Variants in UPRT observed in about 807,000 individuals in gnomAD.
UPRT encodes the protein uracil phosphoribosyltransferase homolog.
In UPRT, 5 loss-of-function variants were observed where a neutral mutation model predicts 22.6. The observed-to-expected ratio is 0.22, with a 90% CI of 0.12 to 0.47. UPRT has a LOEUF of 0.47. Among genes scored for constraint, UPRT ranks in the 20% least tolerant of loss-of-function variants. The pLI, the probability that UPRT is intolerant of heterozygous loss-of-function variation, is 0.99. For missense variants in UPRT, 181 were observed against 239.9 expected, an observed-to-expected ratio of 0.75 and a Z score of 1.62; for synonymous variants, 77 against 87.7, an observed-to-expected ratio of 0.88 and a Z score of 0.68.
At chrX:75,243,246 T>G (rs765917943) in intron 4 of UPRT, among the ~76,000 whole-genome samples, 18 of 111,506 alleles carry the variant, frequency 1.6e-4, no homozygotes, top group Non-Finnish European at 3.0e-4. Flanking sequence ...CTCTCATTTT[T>G]TCCTGTGTCT....
Position 75,243,855 on chromosome X carries a change from T to C in UPRT, c.-446-47169T>C, listed in dbSNP as rs1305496858. On this transcript the variant is annotated intron_variant, in intron 4 of 13. Transcript: ENST00000652605. ...ACTGCATTTCGATTACTGCTAATAA[T>C]ACTATACTTTGTTTCAATGTTTTTC... 3.6e-5 allele frequency among the ~76,000 whole-genome samples: 4 copies of C among 111,739 alleles called. No homozygotes were observed. In the East Asian group the frequency reaches 1.1e-3, roughly 31 times the overall value.
At chrX:75,233,099 A>G (rs180765087) in intron 4 of UPRT, among the ~76,000 whole-genome samples, 309 of 111,927 alleles carry the variant, frequency 2.8e-3, no homozygotes, top group African/African-American at 9.6e-3. Context: ...AAAGGAGCTG[A>G]TGGAGCTGAG....
intron 4 of UPRT, among the ~76,000 whole-genome samples, chrX:75,207,537 G>A (rs1339123727): frequency 1.8e-5 from 2 of 111,825 alleles, no homozygotes; most frequent in East Asian, 2.8e-4. Context: ...TTTACAGGTA[G>A]GAGGGTGGCT....
chrX:75,255,208 C>T (rs1289995938), intron 4 of UPRT, among the ~76,000 whole-genome samples: 1 of 111,485 alleles, frequency 9.0e-6, no homozygotes, highest in Non-Finnish European at 1.9e-5. Context: ...TAAGCCTCCT[C>T]AAACAAAAAA....
At chrX:75,279,915 A>G (rs1189614820) in intron 1 of UPRT, among the ~76,000 whole-genome samples, 1 of 111,379 alleles carries the variant, frequency 9.0e-6, no homozygotes, top group East Asian at 2.8e-4. Flanking sequence ...TCCATTCATG[A>G]GTTACATCAC....
intron 4 of UPRT, among the ~76,000 whole-genome samples, chrX:75,180,217 C>T (rs777930864): frequency 8.9e-6 from 1 of 112,443 alleles, no homozygotes; most frequent in South Asian, 3.6e-4. Flanking sequence ...GTGGTCTTTT[C>T]CCAGTTCCTC....
At chrX:75,238,398 A>C (rs780556819) in intron 4 of UPRT, among the ~76,000 whole-genome samples, 7 of 112,212 alleles carry the variant, frequency 6.2e-5, no homozygotes, top group Non-Finnish European at 1.3e-4. Flanking sequence ...GGCATTATAT[A>C]ATGACAAAAG....
rs2082432847 is a variant in UPRT, at chrX:75,229,826, A to G, written c.-446-61198A>G. ...TTGGGGAGGGGCCACAGGGTGAAAG[A>G]AGGTCCTAGCTGAACTTCTGTAATA... On this transcript the variant is annotated intron_variant, in intron 4 of 13. Transcript: ENST00000652605. Among the ~76,000 whole-genome samples, 3 of 111,992 alleles carry G rather than the reference A, an allele frequency of 2.7e-5. No individual in the cohort carries two copies. In the Admixed American group the frequency reaches 2.8e-4, roughly 11 times the overall value.
At chrX:75,273,757 C>G (rs1421828102), upstream of UPRT, among the ~76,000 whole-genome samples, 1 of 111,839 alleles carries the variant, frequency 8.9e-6, no homozygotes, top group Non-Finnish European at 1.9e-5. Context: ...ACTGAAGATG[C>G]GGTTACTGAG....
chrX:75,193,654 AT>A (rs1301718276), intron 4 of UPRT, among the ~76,000 whole-genome samples: 1 of 110,603 alleles, frequency 9.0e-6, no homozygotes. Flanking sequence ...ATTCTTTGTT[AT>A]TGTTTTTTTC....
At chrX:75,186,451 C>T (rs2082292051) in intron 4 of UPRT, among the ~76,000 whole-genome samples, 1 of 111,017 alleles carries the variant, frequency 9.0e-6, no homozygotes, top group Non-Finnish European at 1.9e-5. Context: ...ATTATGTGGT[C>T]AATTTTGGAA....
At chrX:75,183,953 C>T (rs1331362291) in intron 4 of UPRT, among the ~76,000 whole-genome samples, 9 of 111,808 alleles carry the variant, frequency 8.0e-5, no homozygotes, top group Admixed American at 5.7e-4. Flanking sequence ...GTTGCGAAAA[C>T]TTTCTCCCAT....
intron 4 of UPRT, among the ~76,000 whole-genome samples, chrX:75,179,260 G>T (rs1211708270): frequency 8.9e-6 from 1 of 111,988 alleles, no homozygotes; most frequent in Non-Finnish European, 1.9e-5. Flanking sequence ...GTGCTGATTG[G>T]TGTATTTACA....
chrX:75,261,508 A>C (rs1300842470), intron 4 of UPRT, among the ~76,000 whole-genome samples: 8 of 111,936 alleles, frequency 7.1e-5, no homozygotes, highest in African/African-American at 1.9e-4. Flanking sequence ...ACACGCTCTG[A>C]AATTGAAGCA....
chrX:75,250,033 C>A lies in UPRT; in HGVS notation c.-446-40991C>A, dbSNP rs751629521. On this transcript the variant is annotated intron_variant, in intron 4 of 13. Transcript: ENST00000652605. ...GCAAAGAGAACAAAGACACAACATA[C>A]CAGAATCTCTGGGACACATTCAAAG... Among the ~76,000 whole-genome samples, 5 of 111,803 alleles carry A rather than the reference C, an allele frequency of 4.5e-5. No homozygotes were observed. In the South Asian group the frequency reaches 1.9e-3, roughly 42 times the overall value.
chrX:75,197,481 T>C (rs868238735), intron 4 of UPRT, among the ~76,000 whole-genome samples: 40 of 112,143 alleles, frequency 3.6e-4, no homozygotes, highest in Middle Eastern at 9.2e-3. Context: ...ATTTACAATG[T>C]TTAAAAAATA....
chrX:75,172,857 C>T (rs2082232660), intron 4 of UPRT, among the ~76,000 whole-genome samples: 1 of 111,072 alleles, frequency 9.0e-6, no homozygotes, highest in African/African-American at 3.3e-5. Context: ...CTCATAAAAG[C>T]AGCGTGGACC....
At chrX:75,269,658 G>T (rs1405803000), upstream of UPRT, among the ~76,000 whole-genome samples, 1 of 111,716 alleles carries the variant, frequency 9.0e-6, no homozygotes, top group Non-Finnish European at 1.9e-5. Flanking sequence ...ATGGGAAAAT[G>T]ATTTCCTATT....
chrX:75,199,484 A>G (rs1233258991), intron 4 of UPRT, among the ~76,000 whole-genome samples: 2 of 111,088 alleles, frequency 1.8e-5, no homozygotes, highest in African/African-American at 6.6e-5. Context: ...CCTGTTGACT[A>G]AAGAGCCCTT....
Sources: allele counts gnomAD v4.1 joint callset (sites outside exome capture counted in the v4.1 genomes callset), GRCh38; gene constraint gnomAD v4.1.1; transcripts MANE v1.5; gene names NCBI Gene and HGNC (gene_info 2026-07-23, HGNC 2026-07-21).